The following SNX8 variants were observed in gnomAD, a reference collection of about 807,000 sequenced individuals.
The protein encoded by SNX8 is sorting nexin-8.
SNX8 carries 25 observed loss-of-function variants against 51.6 expected under a neutral mutation model. The observed-to-expected ratio is 0.48, with a 90% CI of 0.35 to 0.68. The LOEUF (loss-of-function observed/expected upper bound fraction) is 0.68. Among genes scored for constraint, SNX8 ranks in the 30% least tolerant of loss-of-function variants. The pLI is 0.00. For synonymous variants in SNX8, 324 were observed against 277.0 expected (o/e 1.17, Z -1.68); for missense variants, 695 against 624.0 (o/e 1.11, Z -1.21).
At chr7:2,279,762 GAA>G (rs796698660) in intron 1 of SNX8, among the ~76,000 whole-genome samples, 103 of 95,026 alleles carry the variant, frequency 1.1e-3, no homozygotes, top group Admixed American at 2.9e-3. Flanking sequence ...CAAAAAAAAA[GAA>G]AAAAAAAAAA....
At chr7:2,325,847 A>T (rs569677172) in intron 1 of SNX8, among the ~76,000 whole-genome samples, 9 of 152,208 alleles carry the variant, frequency 5.9e-5, no homozygotes, top group South Asian at 2.1e-4. Flanking sequence ...AAATTTTTTT[A>T]AATAAAAATA....
At chr7:2,333,327 C>T (rs1343086807) in intron 1 of SNX8, among the ~76,000 whole-genome samples, 1 of 152,186 alleles carries the variant, frequency 6.6e-6, no homozygotes, top group Non-Finnish European at 1.5e-5. Context: ...TTGTGGGAGG[C>T]TGAGGCGGGT....
At chr7:2,258,910 C>T (rs150095724) in intron 7 of SNX8, among the ~76,000 whole-genome samples, 70 of 152,310 alleles carry the variant, frequency 4.6e-4, no homozygotes, top group African/African-American at 1.2e-3. Flanking sequence ...GAGGGATGCC[C>T]TGCTCCCAGA....
At chr7:2,288,139 T>A (rs1202959719) in intron 1 of SNX8, 1 of 152,070 alleles carries the variant, frequency 6.6e-6, no homozygotes, top group African/African-American at 2.4e-5. Context: ...GGTCAGGAGT[T>A]CGAGACCAGC....
chr7:2,314,468 G>T (rs1796722092), upstream of SNX8: 38 of 1,191,896 alleles, frequency 3.2e-5, no homozygotes, highest in East Asian at 3.6e-5. Flanking sequence ...ACCCGGCCGC[G>T]CAGCCCTGCC....
At chr7:2,271,819 G>T in intron 4 of SNX8, 31 bp downstream of exon 4, 2 of 1,577,198 alleles carry the variant, frequency 1.3e-6, no homozygotes, top group Non-Finnish European at 1.7e-6. Context: ...ACTCCCCGGG[G>T]CCGGGACATG....
intron 1 of SNX8, among the ~76,000 whole-genome samples, chr7:2,310,509 T>A (rs188579170): frequency 1.3e-5 from 2 of 152,166 alleles, no homozygotes; most frequent in African/African-American, 4.8e-5. Flanking sequence ...GGTTCACCCC[T>A]GTAATCTCAG....
chr7:2,279,362 C>T (rs1021107629), intron 1 of SNX8, among the ~76,000 whole-genome samples: 1 of 152,092 alleles, frequency 6.6e-6, no homozygotes, highest in Non-Finnish European at 1.5e-5. Flanking sequence ...CGACGCTGGA[C>T]TCACTCACAC....
At chr7:2,292,473 G>A (rs1287330234) in intron 1 of SNX8, among the ~76,000 whole-genome samples, 19 of 150,594 alleles carry the variant, frequency 1.3e-4, no homozygotes, top group South Asian at 4.2e-4. Context: ...GTGCAGTGGC[G>A]CGATCTCGGC....
chr7:2,352,022 C>A (rs1272346427), intron 1 of SNX8, among the ~76,000 whole-genome samples: 2 of 151,152 alleles, frequency 1.3e-5, no homozygotes, highest in African/African-American at 4.9e-5. Context: ...ATTCTCCCGC[C>A]TCAGCCTCCT....
In SNX8 at chr7:2,319,745, C is replaced by G. The variant is rs1012681377; in HGVS notation, c.-66+34477G>C. Among the ~76,000 whole-genome samples, 3 of 147,344 alleles carry G rather than the reference C, an allele frequency of 2.0e-5. No individual in the cohort carries two copies. The East Asian group carries it at 6.0e-4, about 30-fold the overall frequency. On this transcript the variant is annotated intron_variant, in intron 1 of 5. Transcript: ENST00000435336. ...CAGGAGAATGGTGCGAACCTGGGAG[C>G]CGGAGCTTGCAGTGAGCTGAGACTG...
At chr7:2,321,932 C>G (rs1417203164) in intron 1 of SNX8, among the ~76,000 whole-genome samples, 1 of 150,672 alleles carries the variant, frequency 6.6e-6, no homozygotes, top group East Asian at 2.0e-4. Context: ...CCATATTGGC[C>G]AAACTGGTCT....
rs538684438 is a variant in SNX8 at position 2,320,484 on chromosome 7, G to A, written c.-66+33738C>T. On this transcript the variant is annotated intron_variant, in intron 1 of 5. Transcript: ENST00000435336. ...ACCTGCAATCTCAGCAGTTTGGGAG[G>A]CCAAGGCAGGAGGATGACTTGAGCC... 5.9e-5 allele frequency among the ~76,000 whole-genome samples: 9 copies of A among 152,252 alleles called. No individual in the cohort carries two copies. The South Asian group carries it at 1.5e-3, about 25-fold the overall frequency.
At chr7:2,336,582 C>T (rs373505071) in intron 1 of SNX8, among the ~76,000 whole-genome samples, 1 of 151,752 alleles carries the variant, frequency 6.6e-6, no homozygotes, top group Non-Finnish European at 1.5e-5. Context: ...GTGGTGCGCA[C>T]CTGTAAACCC....
At chr7:2,284,681 G>A (rs1054943611) in intron 1 of SNX8, among the ~76,000 whole-genome samples, 1 of 151,854 alleles carries the variant, frequency 6.6e-6, no homozygotes, top group African/African-American at 2.4e-5. Context: ...TGGGATTACA[G>A]GCGTGAGCCA....
intron 1 of SNX8, among the ~76,000 whole-genome samples, chr7:2,305,234 C>T (rs1796519980): frequency 6.6e-6 from 1 of 152,192 alleles, no homozygotes; most frequent in Non-Finnish European, 1.5e-5. Flanking sequence ...AAACGGATTT[C>T]ACCCTAAAGG....
rs188375948 is a variant in SNX8 at position 2,345,676 on chromosome 7, C to T, written c.-66+8546G>A. On this transcript the variant is annotated intron_variant, in intron 1 of 5. Coordinates refer to the SNX8 transcript ENST00000435336. Reference sequence around the variant, plus strand: ...GCCTGGGCGAGACAGAGTGAGAATCCGTCCAAAAAAAAAAAAGAAGAAGAA... The same window carrying T: ...GCCTGGGCGAGACAGAGTGAGAATCTGTCCAAAAAAAAAAAAGAAGAAGAA... Among the ~76,000 whole-genome samples, 271 of 119,430 alleles carry T rather than the reference C, an allele frequency of 2.3e-3. 3 individuals are homozygous for T. Among genetic ancestry groups the T allele is most frequent in the South Asian group, 0.013 (42 of 3,180 alleles). 78.4% of individuals were successfully genotyped at this position (119,430 alleles called of 152,430 possible).
Position 2,266,179 on chromosome 7 carries a change from T to TTTG in SNX8, c.622-1724_622-1722dup, listed in dbSNP as rs549090757. Among the ~76,000 whole-genome samples, 699 of 152,204 alleles carry TTTG rather than the reference T, an allele frequency of 4.6e-3. 6 individuals are homozygous for TTTG. The highest frequency in any genetic ancestry group is 0.014 in the African/African-American group (598 of 41,528). On this transcript the variant is annotated intron_variant, in intron 5 of 10. Coordinates refer to ENST00000222990, the MANE Select transcript of SNX8 (RefSeq NM_013321.4). Reference sequence around the variant, plus strand: ...AAGAAGCAGGTTTTTTTCTGGTTTTTTTGTTGTTGTTGTTGTCGTCTTTGA... The same window carrying TTTG: ...AAGAAGCAGGTTTTTTTCTGGTTTTTTTGTTGTTGTTGTTGTTGTCGTCTTTGA...
intron 1 of SNX8, among the ~76,000 whole-genome samples, chr7:2,303,705 T>C (rs1350561630): frequency 6.6e-6 from 1 of 152,188 alleles, no homozygotes; most frequent in African/African-American, 2.4e-5. Flanking sequence ...CAGGGTTAAA[T>C]GGATTAAGGG....
Sources: gnomAD v4.1 joint callset for allele counts (sites outside exome capture counted in the v4.1 genomes callset) on GRCh38, gnomAD v4.1.1 for gene constraint, MANE v1.5 for transcripts, NCBI Gene and HGNC (gene_info 2026-07-23, HGNC 2026-07-21) for gene names.